SLC26A3: variants seen among roughly 807,000 people sequenced by gnomAD.
SLC26A3 encodes solute carrier family 26 member 3.
In SLC26A3, 64 loss-of-function variants were observed where a neutral mutation model predicts 85.6. That is an observed-to-expected ratio of 0.75 (90% CI 0.61 to 0.92). The LOEUF (loss-of-function observed/expected upper bound fraction) is 0.92, where lower values mean the gene tolerates loss of function less well. Ranked by LOEUF, SLC26A3 falls within the 40% of genes least tolerant of loss-of-function variation. The pLI is 0.00. For synonymous variants in SLC26A3, 349 were observed against 336.0 expected (o/e 1.04, Z -0.42); for missense variants, 922 against 927.3 (o/e 0.99, Z 0.07).
chr7:107,774,535 C>G, intron 16 of SLC26A3, among the ~76,000 whole-genome samples: 1 of 152,104 alleles, frequency 6.6e-6, no homozygotes, highest in East Asian at 1.9e-4. Context: ...GCCTAGGCCA[C>G]AGAGCAAGAC....
At chr7:107,796,126 T>A (rs1271112587) in intron 1 of SLC26A3, among the ~76,000 whole-genome samples, 1 of 143,020 alleles carries the variant, frequency 7.0e-6, no homozygotes, top group Non-Finnish European at 1.5e-5. Context: ...TTATTATTAT[T>A]AGAGACAGGA....
intron 1 of SLC26A3, among the ~76,000 whole-genome samples, chr7:107,797,575 C>G (rs1482094179): frequency 6.6e-6 from 1 of 152,044 alleles, no homozygotes; most frequent in Non-Finnish European, 1.5e-5. Context: ...TCTGTTTTCC[C>G]CTTGCACCCA....
At chr7:107,774,708 A>G (rs1794081597) in intron 16 of SLC26A3, 69 bp downstream of exon 16, 1 of 1,111,870 alleles carries the variant, frequency 9.0e-7, no homozygotes, top group Non-Finnish European at 1.4e-6. Context: ...AAGGAATGGA[A>G]CTACACCTTG....
In SLC26A3 at chr7:107,781,006, A is replaced by G. The variant is rs571628032; in HGVS notation, c.1312-1243T>C. Among the ~76,000 whole-genome samples, 3 of 152,334 alleles carry G rather than the reference A, an allele frequency of 2.0e-5. No individual in the cohort carries two copies. The East Asian group carries it at 5.8e-4, about 29-fold the overall frequency. On this transcript the variant is annotated intron_variant, in intron 11 of 20. Coordinates refer to ENST00000340010, the MANE Select transcript of SLC26A3 (RefSeq NM_000111.3). ...TTCTCTAAGTATAAAATATGTCAAG[A>G]GACACCTGTGCGAAGAGACTTTTTT...
chr7:107,795,224 C>T (rs1269944538), intron 1 of SLC26A3, among the ~76,000 whole-genome samples: 1 of 152,170 alleles, frequency 6.6e-6, no homozygotes, highest in African/African-American at 2.4e-5. Context: ...CTTAACCTCT[C>T]TGAGCCTTGC....
intron 12 of SLC26A3, 78 bp from the exon 13 acceptor site, chr7:107,778,359 A>ATTTTTTTTTT (rs1794155924): frequency 2.2e-5 from 10 of 453,064 alleles, no homozygotes; most frequent in African/African-American, 1.9e-4. Flanking sequence ...TTTTAAAAAG[A>ATTTTTTTTTT]CTTTTTTTTT....
chr7:107,802,846 A>G (rs1241608691), intron 1 of SLC26A3, among the ~76,000 whole-genome samples: 1 of 151,906 alleles, frequency 6.6e-6, no homozygotes, highest in African/African-American at 2.4e-5. Flanking sequence ...TAAAACAAGA[A>G]CACTAATATC....
chr7:107,777,942 C>T (rs1374174527), intron 13 of SLC26A3, among the ~76,000 whole-genome samples: 1 of 152,184 alleles, frequency 6.6e-6, no homozygotes, highest in African/African-American at 2.4e-5. Context: ...GAGTCAAAGC[C>T]AGAAGCAGAC....
At chr7:107,801,097 TCTTC>T (rs1410291004) in intron 1 of SLC26A3, among the ~76,000 whole-genome samples, 1 of 152,212 alleles carries the variant, frequency 6.6e-6, no homozygotes, top group Non-Finnish European at 1.5e-5. Context: ...CTTTCACTTT[TCTTC>T]CTTGAGTATT....
chr7:107,789,474 G>A (rs1794355694), intron 6 of SLC26A3, 50 bp downstream of exon 6: 9 of 1,542,326 alleles, frequency 5.8e-6, no homozygotes, highest in Non-Finnish European at 8.1e-6. Flanking sequence ...TAAAAACACA[G>A]TAGTGAGTTT....
At position 107,783,338 on chromosome 7, in the gene SLC26A3, A is replaced by G; in HGVS notation, c.986T>C (p.Ile329Thr). 1 of 1,614,180 alleles carries G rather than the reference A, an allele frequency of 6.2e-7. No individual in the cohort carries two copies. Among genetic ancestry groups the G allele is most frequent in the African/African-American group, 1.3e-5 (1 of 75,054 alleles). The part of the protein sequence containing the change: ...GDMNPGFQPP[I>T]TPDVETFQNT... ...TTGGAAAGTCTCCACGTCAGGTGTA[A>G]TAGGGGGCTGAAATCTAAAATTGAA... The change falls in exon 9 of 21, where the codon ATT (isoleucine) becomes ACT (threonine). Residue 329 changes from isoleucine (I) to threonine (T), a missense_variant. Coordinates refer to ENST00000340010, the MANE Select transcript of SLC26A3 (RefSeq NM_000111.3).
intron 5 of SLC26A3, 67 bp from the exon 6 acceptor site, chr7:107,789,755 G>A (rs1396872352): frequency 5.4e-6 from 8 of 1,473,608 alleles, no homozygotes; most frequent in East Asian, 2.4e-5. Flanking sequence ...TCAAGGATCC[G>A]CAACTGAAAT....
chr7:107,772,935 A>G (rs1013775908), intron 17 of SLC26A3, among the ~76,000 whole-genome samples: 1 of 152,206 alleles, frequency 6.6e-6, no homozygotes, highest in African/African-American at 2.4e-5. Flanking sequence ...CAGTTCACCC[A>G]TGCTGAATAG....
chr7:107,774,962 G>A, intron 15 of SLC26A3, 90 bp from the exon 16 acceptor site: 1 of 979,350 alleles, frequency 1.0e-6, no homozygotes, highest in East Asian at 2.4e-5. Flanking sequence ...AGTGATTTGA[G>A]GGATTGGGAC....
intron 1 of SLC26A3, among the ~76,000 whole-genome samples, chr7:107,799,660 G>C (rs1209413628): frequency 6.6e-6 from 1 of 152,174 alleles, no homozygotes; most frequent in Admixed American, 6.5e-5. Context: ...CCAAAATGCT[G>C]GGATTACAGG....
At chr7:107,789,452 A>G in intron 6 of SLC26A3, 72 bp downstream of exon 6, 1 of 1,460,412 alleles carries the variant, frequency 6.8e-7, no homozygotes, top group African/African-American at 1.4e-5. Flanking sequence ...AAGGCATTAA[A>G]GGAAAGCTCT....
chr7:107,767,489 T>A, intron 20 of SLC26A3, 90 bp downstream of exon 20: 1 of 940,356 alleles, frequency 1.1e-6, no homozygotes, highest in South Asian at 1.4e-5. Context: ...TGCTGGACTT[T>A]CTGCCACATG....
chr7:107,799,604 C>G (rs898053643), intron 1 of SLC26A3, among the ~76,000 whole-genome samples: 3 of 152,156 alleles, frequency 2.0e-5, no homozygotes, highest in African/African-American at 7.2e-5. Flanking sequence ...GTTGGCCAGG[C>G]TGGTCTCGAA....
At chr7:107,801,087 C>CT (rs1794591733) in intron 1 of SLC26A3, among the ~76,000 whole-genome samples, 1 of 152,162 alleles carries the variant, frequency 6.6e-6, no homozygotes. Flanking sequence ...TTTCTGAGCA[C>CT]TTTCACTTTT....
Sources: gnomAD v4.1 joint callset for allele counts (sites outside exome capture counted in the v4.1 genomes callset) on GRCh38, gnomAD v4.1.1 for gene constraint, MANE v1.5 for transcripts, NCBI Gene and HGNC (gene_info 2026-07-23, HGNC 2026-07-21) for gene names.